Variants in DTWD2 observed in about 807,000 individuals in gnomAD.
DTWD2 encodes tRNA-uridine aminocarboxypropyltransferase 2.
DTWD2 carries 39 observed loss-of-function variants against 31.8 expected under a neutral mutation model. The ratio of observed to expected loss-of-function variants is 1.22; its 90% CI spans 0.95 to 1.60. The LOEUF is 1.60. Ranked by LOEUF, DTWD2 falls within the 40% of genes most tolerant of loss-of-function variation. DTWD2 has a pLI of 0.00. For missense variants in DTWD2, 515 were observed against 381.5 expected (o/e 1.35, Z -2.92); for synonymous variants, 180 against 142.8 (o/e 1.26, Z -1.86).
At chr5:118,897,401 G>A (rs1472905167) in intron 4 of DTWD2, among the ~76,000 whole-genome samples, 1 of 152,188 alleles carries the variant, frequency 6.6e-6, no homozygotes, top group East Asian at 1.9e-4. Context: ...TGCCTGGCAT[G>A]TATCAAAATT....
At chr5:118,925,338 C>T (rs1753787024) in intron 4 of DTWD2, among the ~76,000 whole-genome samples, 1 of 151,964 alleles carries the variant, frequency 6.6e-6, no homozygotes, top group African/African-American at 2.4e-5. Context: ...TGTTTACATC[C>T]CTAAATAGAG....
intron 1 of DTWD2, among the ~76,000 whole-genome samples, chr5:118,974,277 C>G (rs942025335): frequency 2.0e-5 from 3 of 152,128 alleles, no homozygotes; most frequent in African/African-American, 7.2e-5. Context: ...GACACGCGCT[C>G]TCCACCACCC....
chr5:118,844,140 A>G (rs1340521548), intron 5 of DTWD2, among the ~76,000 whole-genome samples: 1 of 152,224 alleles, frequency 6.6e-6, no homozygotes, highest in East Asian at 1.9e-4. Context: ...TTGTCATCTT[A>G]TCTGATTTCA....
intron 4 of DTWD2, among the ~76,000 whole-genome samples, chr5:118,873,102 C>T (rs887234805): frequency 7.9e-5 from 12 of 152,268 alleles, no homozygotes; most frequent in African/African-American, 2.9e-4. Flanking sequence ...CCTCTGGATC[C>T]CTGGCAGAAG....
intron 1 of DTWD2, among the ~76,000 whole-genome samples, chr5:118,986,705 A>G (rs571303784): frequency 6.6e-6 from 1 of 152,324 alleles, no homozygotes; most frequent in South Asian, 2.1e-4. Flanking sequence ...AATATTCTCC[A>G]TAATTCTAGA....
At chr5:118,890,550 T>TTA (rs1752955876) in intron 4 of DTWD2, among the ~76,000 whole-genome samples, 1 of 149,998 alleles carries the variant, frequency 6.7e-6, no homozygotes, top group South Asian at 2.1e-4. Context: ...AAAGTGGGGC[T>TTA]TTTAGGTTTT....
intron 1 of DTWD2, among the ~76,000 whole-genome samples, chr5:118,986,511 C>T (rs1489809001): frequency 1.3e-5 from 2 of 152,134 alleles, no homozygotes; most frequent in Non-Finnish European, 2.9e-5. Flanking sequence ...GAAATGAATA[C>T]AGTTTAAGTA....
intron 1 of DTWD2, among the ~76,000 whole-genome samples, chr5:118,964,605 G>C (rs1395619233): frequency 1.3e-5 from 2 of 152,232 alleles, no homozygotes; most frequent in Non-Finnish European, 2.9e-5. Flanking sequence ...ACGCCTGACT[G>C]GTTTTCGTAT....
At chr5:118,894,867 A>G (rs866353424) in intron 4 of DTWD2, among the ~76,000 whole-genome samples, 52 of 152,278 alleles carry the variant, frequency 3.4e-4, no homozygotes, top group African/African-American at 1.2e-3. Context: ...CCTCAACATC[A>G]TAAGGGCCAT....
At chr5:118,974,294 A>G (rs1755090936) in intron 1 of DTWD2, among the ~76,000 whole-genome samples, 1 of 152,018 alleles carries the variant, frequency 6.6e-6, no homozygotes, top group Non-Finnish European at 1.5e-5. Context: ...ACCCAACCCA[A>G]ACCATGAGAA....
At chr5:118,936,644 A>G (rs1288518949) in intron 3 of DTWD2, among the ~76,000 whole-genome samples, 1 of 150,330 alleles carries the variant, frequency 6.7e-6, no homozygotes, top group Non-Finnish European at 1.5e-5. Context: ...ATCTCAATTT[A>G]TTTTTTTTTT....
intron 3 of DTWD2, 51 bp from the exon 4 acceptor site, chr5:118,928,780 GT>G (rs1459601881): frequency 1.5e-6 from 2 of 1,372,062 alleles, no homozygotes; most frequent in Admixed American, 2.5e-5. Context: ...AGGAAAAAAG[GT>G]TTTATTATGC....
chr5:118,841,926 A>T (rs910829775), intron 5 of DTWD2, among the ~76,000 whole-genome samples: 4 of 152,302 alleles, frequency 2.6e-5, no homozygotes, highest in African/African-American at 9.6e-5. Context: ...AAAAGAAACA[A>T]AGAAAAAACT....
At chr5:118,955,057 A>G (rs934368160) in intron 1 of DTWD2, among the ~76,000 whole-genome samples, 2 of 152,214 alleles carry the variant, frequency 1.3e-5, no homozygotes, top group African/African-American at 2.4e-5. Context: ...AAAGACAAAA[A>G]TATTTACTGA....
At chr5:118,875,350 T>C (rs1302425898) in intron 4 of DTWD2, among the ~76,000 whole-genome samples, 4 of 151,756 alleles carry the variant, frequency 2.6e-5, no homozygotes, top group African/African-American at 9.7e-5. Context: ...TCCACATATA[T>C]CAATACTATC....
chr5:118,974,273 C>G (rs1186417721), intron 1 of DTWD2, among the ~76,000 whole-genome samples: 1 of 152,096 alleles, frequency 6.6e-6, no homozygotes, highest in African/African-American at 2.4e-5. Context: ...AGATGACACG[C>G]GCTCTCCACC....
In DTWD2 at chr5:118,837,145, A is replaced by G. The variant is rs1222728707; in HGVS notation, c.*3772T>C. On this transcript the variant is annotated 3_prime_UTR_variant, in exon 6 of 6. Coordinates refer to ENST00000510708, the MANE Select transcript of DTWD2 (RefSeq NM_173666.4). The stretch of plus-strand genomic sequence containing the variant: ...AAAGGGAAGGGGAACAATGTAGGTG[A>G]TGAAAGAGGGAGAGGAAGACCCTGG... Among the ~76,000 whole-genome samples the G allele has an allele frequency of 6.6e-6, 1 of 152,214 alleles. No individual in the cohort carries two copies.
chr5:118,902,560 T>C (rs1156577553), intron 4 of DTWD2, among the ~76,000 whole-genome samples: 2 of 152,124 alleles, frequency 1.3e-5, no homozygotes, highest in African/African-American at 4.8e-5. Flanking sequence ...CTCAATGGGT[T>C]TTCTTTATAC....
intron 4 of DTWD2, among the ~76,000 whole-genome samples, chr5:118,924,739 A>G (rs1314451763): frequency 6.6e-6 from 1 of 152,244 alleles, no homozygotes; most frequent in African/African-American, 2.4e-5. Context: ...GAAGTTTTCC[A>G]TTTAGAAACA....
Sources: gnomAD v4.1 joint callset for allele counts (sites outside exome capture counted in the v4.1 genomes callset) on GRCh38, gnomAD v4.1.1 for gene constraint, MANE v1.5 for transcripts, NCBI Gene and HGNC (gene_info 2026-07-23, HGNC 2026-07-21) for gene names.